The following RBP2 variants were observed in gnomAD, a reference collection of about 807,000 sequenced individuals.
The protein encoded by RBP2 is retinol-binding protein 2.
RBP2 carries 17 observed loss-of-function variants against 17.0 expected under a neutral mutation model. The observed-to-expected ratio is 1.00, with a 90% CI of 0.68 to 1.50. RBP2 has a LOEUF of 1.50. Ranked by LOEUF, RBP2 falls within the 40% of genes most tolerant of loss-of-function variation. RBP2 has a pLI of 0.00. For missense variants in RBP2, 158 were observed against 168.2 expected (o/e 0.94, Z 0.33); for synonymous variants, 48 against 57.1 (o/e 0.84, Z 0.72).
intron 1 of RBP2, among the ~76,000 whole-genome samples, chr3:139,465,881 C>G (rs1487803908): frequency 1.3e-5 from 2 of 152,160 alleles, no homozygotes; most frequent in African/African-American, 4.8e-5. Context: ...TGTACGTGAG[C>G]ACGTCCAAGT....
rs116759628 is a variant in RBP2, at chr3:139,460,475, T to C, written c.252+1637A>G. Among the ~76,000 whole-genome samples the C allele has an allele frequency of 4.4e-3, 676 of 152,312 alleles. 7 individuals are homozygous for C. The highest frequency in any genetic ancestry group is 0.016 in the African/African-American group (658 of 41,562). On this transcript the variant is annotated intron_variant, in intron 2 of 3. Coordinates refer to ENST00000232217, the MANE Select transcript of RBP2 (RefSeq NM_004164.3). ...GAGATTATCAATGCTACAGGACAAC[T>C]TGACTGAGAAATAAAGTGTGTCCAG... is the stretch of plus-strand genomic sequence containing the variant.
At chr3:139,460,061 C>T (rs960818140) in intron 2 of RBP2, among the ~76,000 whole-genome samples, 1 of 152,102 alleles carries the variant, frequency 6.6e-6, no homozygotes, top group Non-Finnish European at 1.5e-5. Context: ...AGTTCTCTAC[C>T]ATCAAAGGTC....
chr3:139,461,565 T>C (rs1226730362), intron 2 of RBP2, among the ~76,000 whole-genome samples: 1 of 152,084 alleles, frequency 6.6e-6, no homozygotes, highest in Non-Finnish European at 1.5e-5. Flanking sequence ...ATTTGGATCA[T>C]TCTTTTCTAA....
At chr3:139,466,800 C>A (rs1418312590) in intron 1 of RBP2, 1 of 152,188 alleles carries the variant, frequency 6.6e-6, no homozygotes, top group Non-Finnish European at 1.5e-5. Context: ...ATCTCACAGG[C>A]CAATTTCCTT....
At chr3:139,453,214 T>A (rs765055860) in intron 3 of RBP2, 48 bp from the exon 4 acceptor site, 1 of 1,608,482 alleles carries the variant, frequency 6.2e-7, no homozygotes, top group Non-Finnish European at 8.5e-7. Context: ...AGGCCTTTCT[T>A]CTGCCCAGCC....
rs1447296148 is a variant in RBP2 at position 139,462,252 on chromosome 3, T to A, written c.112A>T (p.Thr38Ser). 3 of 1,614,028 alleles carry A rather than the reference T, an allele frequency of 1.9e-6. No homozygotes were observed. In the African/African-American group the frequency reaches 4.0e-5, roughly 22 times the overall value. Residue 38 changes from threonine to serine, a missense_variant, in exon 2 of 4, where the codon ACT (threonine) becomes TCT (serine). By Grantham distance (58) the Thr-to-Ser change is moderately conservative. Transcript: ENST00000232217. ...TCTTGATCAATAACCTTCGTCTGAG[T>A]GAGACGTACTGCAATCTTGCGGGTG... is the stretch of plus-strand genomic sequence containing the variant. ...FATRKIAVRL[T>S]QTKVIDQDGD... is the part of the protein sequence containing the mutation.
chr3:139,458,664 A>C (rs894694663), intron 2 of RBP2, among the ~76,000 whole-genome samples: 1 of 152,002 alleles, frequency 6.6e-6, no homozygotes, highest in Non-Finnish European at 1.5e-5. Context: ...TTCTCTCTCT[A>C]TGAATTTGCC....
chr3:139,461,242 C>T (rs1447836844), intron 2 of RBP2, among the ~76,000 whole-genome samples: 1 of 152,182 alleles, frequency 6.6e-6, no homozygotes, highest in East Asian at 1.9e-4. Context: ...TCCCTGCTGC[C>T]TCTGCCTTAT....
At chr3:139,461,917 T>G (rs1255727738) in intron 2 of RBP2, among the ~76,000 whole-genome samples, 195 bp downstream of exon 2, 1 of 152,240 alleles carries the variant, frequency 6.6e-6, no homozygotes, top group Admixed American at 6.5e-5. Flanking sequence ...GGTTGAGCTC[T>G]TAATCTCTCC....
At chr3:139,458,414 G>A (rs944885103) in intron 2 of RBP2, among the ~76,000 whole-genome samples, 1 of 152,074 alleles carries the variant, frequency 6.6e-6, no homozygotes, top group Admixed American at 6.6e-5. Flanking sequence ...TGTCTTCCCT[G>A]CTTTTCCCTG....
At chr3:139,474,457 GTCA>G (rs1933662348) in intron 1 of RBP2, among the ~76,000 whole-genome samples, 1 of 152,206 alleles carries the variant, frequency 6.6e-6, no homozygotes, top group African/African-American at 2.4e-5. Flanking sequence ...TTAAATCTAA[GTCA>G]TCATAGGACT....
rs116320965 is a variant in RBP2, at chr3:139,465,711, G to A, written c.74-3421C>T. Among the ~76,000 whole-genome samples the A allele has an allele frequency of 4.4e-3, 676 of 152,290 alleles. 7 individuals carry two copies. The highest frequency in any genetic ancestry group is 0.016 in the African/African-American group (658 of 41,548). The stretch of plus-strand genomic sequence containing the variant: ...AGTTGGATGAGCCCTCCCTGTTTGA[G>A]GCAGTTTGTTTTCCAAAGCCCTTGC... On this transcript the variant is annotated intron_variant, in intron 1 of 3. Transcript: ENST00000232217.
chr3:139,460,992 C>T (rs1933167417), intron 2 of RBP2, among the ~76,000 whole-genome samples: 1 of 152,216 alleles, frequency 6.6e-6, no homozygotes, highest in African/African-American at 2.4e-5. Flanking sequence ...TCTTGGACTG[C>T]ATATCCCTGG....
chr3:139,453,906 TC>T (rs1943353111), intron 3 of RBP2, among the ~76,000 whole-genome samples: 1 of 152,072 alleles, frequency 6.6e-6, no homozygotes, highest in Admixed American at 6.6e-5. Flanking sequence ...GATAAATGCC[TC>T]CCATATATCA....
rs761271176 is a variant in RBP2, at chr3:139,454,761, T to G, written c.322A>C (p.Lys108Gln). 6.2e-7 allele frequency: 1 copy of G among 1,614,182 alleles called. No homozygotes were observed. The highest frequency in any genetic ancestry group is 8.5e-7 in the Non-Finnish European group (1 of 1,180,018). Reference sequence around the variant, plus strand: ...AGCTTGTCCCCCTCAATCCACTGCTTCCAGCCGCGGTTCTCCTTCTCCCCC... The same window carrying G: ...AGCTTGTCCCCCTCAATCCACTGCTGCCAGCCGCGGTTCTCCTTCTCCCCC... ...QKGEKENRGW[K>Q]QWIEGDKLYL... is the part of the protein sequence containing the mutation. The change falls in exon 3 of 4, where the codon AAG becomes CAG. Residue 108 changes from lysine to glutamine, a missense_variant. By Grantham distance (53) the Lys-to-Gln change is moderately conservative. Transcript: ENST00000232217.
chr3:139,473,562 G>A (rs1559809022), intron 1 of RBP2, among the ~76,000 whole-genome samples: 1 of 152,220 alleles, frequency 6.6e-6, no homozygotes, highest in Non-Finnish European at 1.5e-5. Context: ...CTTCCCAAAT[G>A]CTAAGGGTCT....
At chr3:139,453,214 T>C in intron 3 of RBP2, 48 bp from the exon 4 acceptor site, 1 of 1,608,482 alleles carries the variant, frequency 6.2e-7, no homozygotes, top group Non-Finnish European at 8.5e-7. Flanking sequence ...AGGCCTTTCT[T>C]CTGCCCAGCC....
chr3:139,476,492 G>A lies in RBP2; in HGVS notation c.-33C>T, dbSNP rs770932169. 6.2e-6 allele frequency: 10 copies of A among 1,600,200 alleles called. No individual in the cohort carries two copies. In the Admixed American group the frequency reaches 1.2e-4, roughly 19 times the overall value. ...GCCACTGGTTCGGTGAGGGTTTGTG[G>A]TGGATGGCAAGGAGCAGGCTGCAGG... On this transcript the variant is annotated 5_prime_UTR_variant, in exon 1 of 4. Transcript: ENST00000232217.
At chr3:139,457,498 TAACTC>T (rs1464481212) in intron 2 of RBP2, among the ~76,000 whole-genome samples, 1 of 152,216 alleles carries the variant, frequency 6.6e-6, no homozygotes, top group Admixed American at 6.5e-5. Context: ...TTTATTTTAA[TAACTC>T]ATACTGGACA....
Sources: gnomAD v4.1 joint callset for allele counts (sites outside exome capture counted in the v4.1 genomes callset) on GRCh38, gnomAD v4.1.1 for gene constraint, MANE v1.5 for transcripts, NCBI Gene and HGNC (gene_info 2026-07-23, HGNC 2026-07-21) for gene names.